Variants in BLTP3A observed in about 807,000 individuals in gnomAD.
The protein encoded by BLTP3A is bridge-like lipid transfer protein family member 3A.
the BLTP3A span, among the ~76,000 whole-genome samples, chr6:34,853,751 A>G: frequency 6.6e-6 from 1 of 151,546 alleles, no homozygotes; most frequent in African/African-American, 2.4e-5. Flanking sequence ...AGTAGAGACG[A>G]AGTTTCATCA....
At chr6:34,861,590 T>G in the BLTP3A span, among the ~76,000 whole-genome samples, 3 of 152,240 alleles carry the variant, frequency 2.0e-5, no homozygotes, top group Non-Finnish European at 4.4e-5. Flanking sequence ...TATGTCTGCA[T>G]TCATGTGTGC....
At chr6:34,848,230 G>C in the BLTP3A span, among the ~76,000 whole-genome samples, 1 of 151,162 alleles carries the variant, frequency 6.6e-6, no homozygotes, top group Non-Finnish European at 1.5e-5. Flanking sequence ...GCTGCAGTGA[G>C]CTGTGATTGC....
chr6:34,812,226 G>A, the BLTP3A span, among the ~76,000 whole-genome samples: 1 of 151,812 alleles, frequency 6.6e-6, no homozygotes, highest in Non-Finnish European at 1.5e-5. Flanking sequence ...TACTCGGGAG[G>A]CTGAGGCAGG....
the BLTP3A span, chr6:34,858,794 T>C: frequency 3.0e-5 from 48 of 1,613,962 alleles, no homozygotes; most frequent in Non-Finnish European, 4.0e-5. Context: ...CTGGAGGATG[T>C]AGCAGATGTT....
chr6:34,846,248 G>A, the BLTP3A span, among the ~76,000 whole-genome samples: 5 of 150,236 alleles, frequency 3.3e-5, no homozygotes, highest in African/African-American at 1.2e-4. Flanking sequence ...AGGTTCAAGC[G>A]ATTCTCCTGC....
chr6:34,848,747 G>C, the BLTP3A span, among the ~76,000 whole-genome samples: 4 of 151,966 alleles, frequency 2.6e-5, no homozygotes, highest in Non-Finnish European at 4.4e-5. Context: ...CAGATCACTG[G>C]GTTTTGTTTT....
the BLTP3A span, among the ~76,000 whole-genome samples, chr6:34,849,310 A>G: frequency 6.6e-6 from 1 of 151,470 alleles, no homozygotes; most frequent in South Asian, 2.1e-4. Context: ...GGCGTGAGCC[A>G]CTGTGCCCAG....
chr6:34,824,594 A>T, the BLTP3A span, among the ~76,000 whole-genome samples: 1 of 151,132 alleles, frequency 6.6e-6, no homozygotes, highest in African/African-American at 2.4e-5. Context: ...CCTTAATATC[A>T]TCTAGTACCT....
the BLTP3A span, among the ~76,000 whole-genome samples, chr6:34,839,911 C>T: frequency 6.6e-6 from 1 of 152,364 alleles, no homozygotes; most frequent in Non-Finnish European, 1.5e-5. Flanking sequence ...GGCGCCAGCG[C>T]CTGTACAAGA....
chr6:34,858,047 T>C, the BLTP3A span: 1 of 1,565,480 alleles, frequency 6.4e-7, no homozygotes. Flanking sequence ...CAAAGGATCT[T>C]TTACATGTGT....
chr6:34,835,010 C>T, the BLTP3A span: 2 of 1,115,420 alleles, frequency 1.8e-6, no homozygotes, highest in Non-Finnish European at 2.5e-6. Flanking sequence ...GCTCAACATC[C>T]TCTAGTAATA....
the BLTP3A span, chr6:34,872,315 G>T: frequency 1.2e-6 from 2 of 1,604,590 alleles, no homozygotes; most frequent in African/African-American, 1.3e-5. Context: ...TTCCTCAGGT[G>T]AAAGAACTGC....
chr6:34,795,245 A>G, the BLTP3A span, among the ~76,000 whole-genome samples: 2 of 151,502 alleles, frequency 1.3e-5, no homozygotes, highest in African/African-American at 4.9e-5. Context: ...GCCCCTGGCT[A>G]ATTTAAAAAT....
chr6:34,869,549 C>T, the BLTP3A span, among the ~76,000 whole-genome samples: 1 of 149,004 alleles, frequency 6.7e-6, no homozygotes, highest in Non-Finnish European at 1.5e-5. Context: ...TTTCAAGTAA[C>T]ATGATATTCT....
At chr6:34,810,954 T>A in the BLTP3A span, among the ~76,000 whole-genome samples, 1 of 152,250 alleles carries the variant, frequency 6.6e-6, no homozygotes, top group Non-Finnish European at 1.5e-5. Context: ...TATGCATTCA[T>A]GACATACCTA....
At chr6:34,871,635 C>G in the BLTP3A span, 12 of 1,613,982 alleles carry the variant, frequency 7.4e-6, no homozygotes. Flanking sequence ...CCCCATCACT[C>G]TGGCCATGGA....
the BLTP3A span, among the ~76,000 whole-genome samples, chr6:34,802,946 T>C: frequency 6.6e-6 from 1 of 152,130 alleles, no homozygotes; most frequent in East Asian, 1.9e-4. Flanking sequence ...GAGGCTAAGG[T>C]GGACAGATCG....
At chr6:34,805,652 T>C in the BLTP3A span, among the ~76,000 whole-genome samples, 4 of 144,316 alleles carry the variant, frequency 2.8e-5, no homozygotes, top group Admixed American at 2.8e-4. Context: ...ATTCTCAGCT[T>C]CTCAGGAGGC....
chr6:34,822,011 T>TAGA, the BLTP3A span: 1 of 1,608,728 alleles, frequency 6.2e-7, no homozygotes. Flanking sequence ...GGTAGGCTTT[T>TAGA]AGAAGATAAG....
Sources: gnomAD v4.1 joint callset for allele counts (sites outside exome capture counted in the v4.1 genomes callset) on GRCh38, gnomAD v4.1.1 for gene constraint, MANE v1.5 for transcripts, NCBI Gene and HGNC (gene_info 2026-07-23, HGNC 2026-07-21) for gene names.